Variants in C4orf51 observed in about 807,000 individuals in gnomAD.
C4orf51 encodes the protein chromosome 4 open reading frame 51, also known as uncharacterized protein C4orf51.
C4orf51 carries 25 observed loss-of-function variants against 25.2 expected under a neutral mutation model. That is an observed-to-expected ratio of 0.99 (90% confidence interval 0.72 to 1.39). The LOEUF (loss-of-function observed/expected upper bound fraction) is 1.39. Ranked by LOEUF, C4orf51 falls within the 40% of genes most tolerant of loss-of-function variation. C4orf51 has a pLI of 0.00. For missense variants in C4orf51, 252 were observed against 239.6 expected, an observed-to-expected ratio of 1.05 and a Z score of -0.34; for synonymous variants, 100 against 84.5, an observed-to-expected ratio of 1.18 and a Z score of -1.01.
chr4:145,701,057 C>T (rs539347203), intron 2 of C4orf51, among the ~76,000 whole-genome samples: 241 of 152,282 alleles, frequency 1.6e-3, no homozygotes, highest in Non-Finnish European at 2.5e-3. Flanking sequence ...GTTCATGGCT[C>T]GTTCAGCAGC....
intron 1 of C4orf51, among the ~76,000 whole-genome samples, chr4:145,745,377 G>A (rs1733316887): frequency 7.5e-6 from 1 of 133,362 alleles, no homozygotes; most frequent in Admixed American, 8.0e-5. Context: ...TAACCCCCTA[G>A]AACCCTTCCC....
At chr4:145,780,351 A>G in the C4orf51 span, among the ~76,000 whole-genome samples, 2 of 152,234 alleles carry the variant, frequency 1.3e-5, no homozygotes, top group Non-Finnish European at 2.9e-5. Context: ...ATCCTTAATG[A>G]GGAATTTGTG....
At chr4:145,775,858 T>G, downstream of C4orf51, 1 of 1,614,192 alleles carries the variant, frequency 6.2e-7, no homozygotes. Flanking sequence ...GTCCTCGGTG[T>G]CTGTACTCAC....
downstream of C4orf51, among the ~76,000 whole-genome samples, chr4:145,755,639 ATGT>A (rs961573331): frequency 1.3e-5 from 2 of 152,206 alleles, no homozygotes; most frequent in African/African-American, 2.4e-5. Flanking sequence ...AACCCTTCAG[ATGT>A]TGTACAGGGA....
chr4:145,770,626 G>A (rs1165256237), intron 1 of C4orf51, among the ~76,000 whole-genome samples: 1 of 151,820 alleles, frequency 6.6e-6, no homozygotes, highest in Non-Finnish European at 1.5e-5. Context: ...CTAATACTTT[G>A]TATTTTCCCA....
At chr4:145,786,034 C>A in the C4orf51 span, among the ~76,000 whole-genome samples, 2 of 152,168 alleles carry the variant, frequency 1.3e-5, no homozygotes, top group Non-Finnish European at 2.9e-5. Context: ...TCCTAACAGC[C>A]AATCCTCTCT....
chr4:145,708,733 A>G (rs1037951183), intron 2 of C4orf51, among the ~76,000 whole-genome samples: 5 of 152,220 alleles, frequency 3.3e-5, no homozygotes, highest in African/African-American at 1.2e-4. Context: ...GTCTGGGACC[A>G]AGCTTTGTCT....
chr4:145,718,479 A>G (rs1480565745), intron 2 of C4orf51, among the ~76,000 whole-genome samples: 1 of 152,014 alleles, frequency 6.6e-6, no homozygotes, highest in Non-Finnish European at 1.5e-5. Context: ...TTTCTCACCT[A>G]CTCTTTCAAT....
chr4:145,726,380 T>A (rs2126761805), intron 2 of C4orf51, among the ~76,000 whole-genome samples: 1 of 152,252 alleles, frequency 6.6e-6, no homozygotes, highest in Admixed American at 6.5e-5. Flanking sequence ...ATATTTCAAA[T>A]AAAAAAAGAA....
the C4orf51 span, among the ~76,000 whole-genome samples, chr4:145,791,355 C>T: frequency 2.6e-5 from 4 of 152,126 alleles, no homozygotes; most frequent in Admixed American, 1.3e-4. Context: ...AAGCACTTCC[C>T]AAAGGCTCCA....
chr4:145,779,348 T>G, the C4orf51 span: 1 of 1,611,062 alleles, frequency 6.2e-7, no homozygotes, highest in Admixed American at 1.7e-5. Context: ...CATAGAGGGC[T>G]GACAGCCCAG....
chr4:145,768,658 A>G (rs1356968821), intron 1 of C4orf51, among the ~76,000 whole-genome samples: 2 of 151,014 alleles, frequency 1.3e-5, no homozygotes, highest in East Asian at 1.9e-4. Context: ...TCATTAAGCA[A>G]TCTAGTGACT....
At chr4:145,693,929 C>T (rs1373472747) in intron 1 of C4orf51, among the ~76,000 whole-genome samples, 151 of 139,846 alleles carry the variant, frequency 1.1e-3, no homozygotes, top group African/African-American at 3.8e-3. Context: ...CGGGCGGAGA[C>T]GCTCCTCACT....
the C4orf51 span, among the ~76,000 whole-genome samples, chr4:145,780,465 G>A: frequency 3.7e-4 from 57 of 152,298 alleles, no homozygotes; most frequent in Non-Finnish European, 6.0e-4. Context: ...TGGGAAAACA[G>A]TGCCACAAGT....
chr4:145,725,228 A>C (rs77368782), intron 2 of C4orf51, among the ~76,000 whole-genome samples: 1 of 152,136 alleles, frequency 6.6e-6, no homozygotes, highest in African/African-American at 2.4e-5. Flanking sequence ...ATAGAAAAAA[A>C]CCATAATGAG....
At chr4:145,692,887 T>C (rs1729679417) in intron 1 of C4orf51, among the ~76,000 whole-genome samples, 1 of 150,060 alleles carries the variant, frequency 6.7e-6, no homozygotes, top group African/African-American at 2.4e-5. Flanking sequence ...GGGATACAGA[T>C]GTGTTTCAAA....
chr4:145,749,837 T>C (rs1043770621), intron 1 of C4orf51, among the ~76,000 whole-genome samples: 7 of 152,104 alleles, frequency 4.6e-5, no homozygotes, highest in African/African-American at 1.7e-4. Context: ...GGTTTCACTG[T>C]GTTAGCCAGG....
chr4:145,774,704 G>C, downstream of C4orf51: 3 of 1,602,952 alleles, frequency 1.9e-6, no homozygotes, highest in Non-Finnish European at 2.6e-6. Context: ...AAGAGGGGGA[G>C]AGAAAAGGGT....
chr4:145,729,487 G>A (rs1476475599), intron 4 of C4orf51, among the ~76,000 whole-genome samples: 1 of 151,872 alleles, frequency 6.6e-6, no homozygotes, highest in Non-Finnish European at 1.5e-5. Flanking sequence ...ATTTTTAGTA[G>A]AGACGGGGTT....
Sources: allele counts gnomAD v4.1 joint callset (sites outside exome capture counted in the v4.1 genomes callset), GRCh38; gene constraint gnomAD v4.1.1; transcripts MANE v1.5; gene names NCBI Gene and HGNC (gene_info 2026-07-23, HGNC 2026-07-21).